ABCA13: variants seen among roughly 807,000 people sequenced by gnomAD.
ABCA13 encodes the protein ATP-binding cassette sub-family A member 13.
A neutral mutation model predicts 478.7 loss-of-function variants in ABCA13; 476 were observed. The ratio of observed to expected loss-of-function variants is 0.99; its 90% CI spans 0.92 to 1.07. The LOEUF is 1.07. ABCA13 is among the 50% of genes least tolerant of loss of function. The pLI is 0.00. For missense variants in ABCA13, 6,060 were observed against 5,910.6 expected (o/e 1.03, Z -0.83); for synonymous variants, 2,252 against 2,158.9 (o/e 1.04, Z -1.20).
chr7:48,263,675 C>A (rs1794493337), intron 15 of ABCA13, among the ~76,000 whole-genome samples: 1 of 150,886 alleles, frequency 6.6e-6, no homozygotes, highest in South Asian at 2.1e-4. Flanking sequence ...TAAGGCATTA[C>A]AACTAATGGC....
At chr7:48,572,405 A>G (rs997973409) in intron 55 of ABCA13, among the ~76,000 whole-genome samples, 2 of 152,122 alleles carry the variant, frequency 1.3e-5, no homozygotes, top group South Asian at 4.2e-4. Flanking sequence ...CACAGCCTCA[A>G]ACATCTGGGC....
At chr7:48,497,838 A>G (rs916336428) in intron 48 of ABCA13, among the ~76,000 whole-genome samples, 2 of 152,096 alleles carry the variant, frequency 1.3e-5, no homozygotes, top group Admixed American at 6.6e-5. Flanking sequence ...CTCACTTTGA[A>G]AGTATTCTTT....
At position 48,278,705 on chromosome 7, in the gene ABCA13, T is replaced by A; in HGVS notation, c.7511T>A (p.Met2504Lys). Residue 2504 changes from methionine to lysine, a missense_variant, in exon 18 of 62, where the codon ATG becomes AAG. By Grantham distance (95) the Met-to-Lys change is moderately conservative. Around this residue, in one of 3 missense-constraint regions of ABCA13, gnomAD observed 4,423 missense variants for 4,309.1 expected, o/e 1.03. Transcript: ENST00000435803. The part of the protein sequence containing the change: ...PLLEMSGTLV[M>K]LLNDSADLRD... Reference sequence around the variant, plus strand: ...TTAGAAATGTCTGGGACTCTGGTCATGCTGTTGAATGACAGTGCTGACCTG... The same window carrying A: ...TTAGAAATGTCTGGGACTCTGGTCAAGCTGTTGAATGACAGTGCTGACCTG... 1 of 1,613,886 alleles carries A rather than the reference T, an allele frequency of 6.2e-7. No individual in the cohort carries two copies. The highest frequency in any genetic ancestry group is 8.5e-7 in the Non-Finnish European group (1 of 1,179,786).
At chr7:48,325,942 T>C (rs955575795) in intron 27 of ABCA13, among the ~76,000 whole-genome samples, 1 of 152,156 alleles carries the variant, frequency 6.6e-6, no homozygotes, top group Non-Finnish European at 1.5e-5. Context: ...ATCTGCACTC[T>C]AGGGTATCTG....
chr7:48,460,824 G>T (rs1011711164), intron 43 of ABCA13, among the ~76,000 whole-genome samples: 25 of 152,276 alleles, frequency 1.6e-4, no homozygotes, highest in African/African-American at 5.8e-4. Flanking sequence ...AGTGATTGTT[G>T]GTGTATATTT....
At chr7:48,259,843 T>C (rs1416952786) in intron 15 of ABCA13, among the ~76,000 whole-genome samples, 1 of 152,076 alleles carries the variant, frequency 6.6e-6, no homozygotes, top group Non-Finnish European at 1.5e-5. Flanking sequence ...CCCAAAAGGA[T>C]CTTATTTCTC....
intron 43 of ABCA13, among the ~76,000 whole-genome samples, chr7:48,463,303 G>A (rs1472924916): frequency 1.3e-5 from 2 of 152,152 alleles, no homozygotes; most frequent in Non-Finnish European, 2.9e-5. Context: ...CCGAATCAAA[G>A]CACATTCTGC....
chr7:48,478,508 G>A (rs1296558983), intron 45 of ABCA13, among the ~76,000 whole-genome samples: 1 of 152,000 alleles, frequency 6.6e-6, no homozygotes, highest in South Asian at 2.1e-4. Context: ...ATTACAGAGT[G>A]ATTATCTATC....
intron 55 of ABCA13, among the ~76,000 whole-genome samples, chr7:48,559,003 A>C (rs1048170277): frequency 6.6e-6 from 1 of 152,096 alleles, no homozygotes; most frequent in African/African-American, 2.4e-5. Flanking sequence ...GCTAATGTCT[A>C]TCTAACTACC....
chr7:48,224,164 C>T (rs1474983848), intron 5 of ABCA13, among the ~76,000 whole-genome samples: 5 of 152,152 alleles, frequency 3.3e-5, no homozygotes, highest in African/African-American at 1.2e-4. Context: ...TCCCCGAGAG[C>T]TCAGACATCT....
intron 3 of ABCA13, among the ~76,000 whole-genome samples, chr7:48,204,241 G>T (rs1290333323): frequency 6.7e-6 from 1 of 150,234 alleles, no homozygotes; most frequent in Admixed American, 6.6e-5. Context: ...AGACAGTCTG[G>T]CTCTGCTGCC....
At chr7:48,282,524 C>T (rs772710373) in intron 19 of ABCA13, among the ~76,000 whole-genome samples, 6 of 151,938 alleles carry the variant, frequency 3.9e-5, no homozygotes, top group Non-Finnish European at 7.4e-5. Flanking sequence ...AGGGTGGATC[C>T]GATCAGATCA....
chr7:48,179,585 C>G (rs1795373868), intron 1 of ABCA13, among the ~76,000 whole-genome samples: 2 of 152,174 alleles, frequency 1.3e-5, no homozygotes, highest in South Asian at 4.1e-4. Flanking sequence ...GTTCTTGTGC[C>G]CACCTACTTG....
chr7:48,497,237 G>C (rs1042375991), intron 48 of ABCA13, among the ~76,000 whole-genome samples: 1 of 151,816 alleles, frequency 6.6e-6, no homozygotes, highest in Non-Finnish European at 1.5e-5. Flanking sequence ...TGTCCAGTGG[G>C]TTTTAATTTC....
rs1299466732 is a variant in ABCA13 at position 48,279,424 on chromosome 7, GA to G, written c.8232del (p.Ala2745LeufsTer6). The G allele has an allele frequency of 1.2e-6, 2 of 1,604,438 alleles. No individual in the cohort carries two copies. The highest frequency in any genetic ancestry group is 1.7e-6 in the Non-Finnish European group (2 of 1,174,426). ...GAAAATGGTGATCTGTCTCACCTTA[GA>G]AGCTCTTTGGAAAAACTTAAAGAAA... ...FLKMVICLTL[E>X]ALWKNLKKDN... On this transcript the variant is annotated frameshift_variant, in exon 18 of 62. Coordinates refer to ENST00000435803, the MANE Select transcript of ABCA13 (RefSeq NM_152701.5). LOFTEE classifies it high-confidence loss of function.
chr7:48,619,800 G>A (rs1792957025), intron 59 of ABCA13, among the ~76,000 whole-genome samples: 1 of 152,138 alleles, frequency 6.6e-6, no homozygotes, highest in Non-Finnish European at 1.5e-5. Context: ...TGGAAGTGTG[G>A]TCTTGGGAAG....
At chr7:48,485,752 G>C (rs561538658) in intron 47 of ABCA13, among the ~76,000 whole-genome samples, 2 of 152,296 alleles carry the variant, frequency 1.3e-5, no homozygotes, top group East Asian at 3.9e-4. Flanking sequence ...GTGGGATTGT[G>C]CTGCTGTGGG....
chr7:48,407,996 G>C (rs1818484739), intron 39 of ABCA13, among the ~76,000 whole-genome samples: 1 of 152,134 alleles, frequency 6.6e-6, no homozygotes, highest in South Asian at 2.1e-4. Context: ...CAGATACCAA[G>C]GGACAAATGT....
chr7:48,239,129 A>G (rs1447151136), intron 8 of ABCA13, 112 bp from the exon 9 acceptor site: 10 of 1,124,460 alleles, frequency 8.9e-6, no homozygotes, highest in East Asian at 2.5e-5. Flanking sequence ...TACTTCTTCA[A>G]TCAAGCAAAT....
Sources: allele counts gnomAD v4.1 joint callset (sites outside exome capture counted in the v4.1 genomes callset), GRCh38; gene constraint gnomAD v4.1.1; regional missense constraint gnomAD v4.1.1; transcripts MANE v1.5; gene names NCBI Gene and HGNC (gene_info 2026-07-23, HGNC 2026-07-21).